Variants in TTYH3 observed in about 807,000 individuals in gnomAD.
The protein encoded by TTYH3 is tweety family member 3.
A neutral mutation model predicts 68.2 loss-of-function variants in TTYH3; 23 were observed. That is an observed-to-expected ratio of 0.34 (90% CI 0.24 to 0.48). The LOEUF (loss-of-function observed/expected upper bound fraction) is 0.48, where lower values mean the gene tolerates loss of function less well. Among genes scored for constraint, TTYH3 ranks in the 20% least tolerant of loss-of-function variants. The pLI, the probability that TTYH3 is intolerant of heterozygous loss-of-function variation, is 0.99. For missense variants in TTYH3, 768 were observed against 727.7 expected, an observed-to-expected ratio of 1.06 and a Z score of -0.64; for synonymous variants, 360 against 332.8, an observed-to-expected ratio of 1.08 and a Z score of -0.89.
intron 9 of TTYH3, 23 bp downstream of exon 9, chr7:2,653,033 C>A: frequency 1.9e-6 from 3 of 1,548,544 alleles, no homozygotes; most frequent in Non-Finnish European, 2.6e-6. Flanking sequence ...GGGGTAGGCA[C>A]TGGGGCAGGC....
Position 2,656,105 on chromosome 7 carries a change from G to A in TTYH3, c.1034G>A (p.Arg345His), listed in dbSNP as rs979433800. 1.9e-5 allele frequency: 30 copies of A among 1,554,522 alleles called. No individual in the cohort carries two copies. The highest frequency in any genetic ancestry group is 1.7e-4 in the Middle Eastern group (1 of 5,956). The change falls in exon 10 of 14, where the codon CGC becomes CAC. Residue 345 changes from arginine (R) to histidine (H), a missense_variant. Arg to His is a conservative substitution (Grantham distance 29, BLOSUM62 0). Coordinates refer to ENST00000258796, the MANE Select transcript of TTYH3 (RefSeq NM_025250.3). ...CGTGCCCCCCAGGACCCCCTCCTCC[G>A]CGTCCAGGAGGTGCTGAATGGCACG... is the stretch of plus-strand genomic sequence containing the variant. ...EQPATKDPLLRVQEVLNGTEV... is the reference protein window; with the variant it reads ...EQPATKDPLLHVQEVLNGTEV...
chr7:2,650,703 C>T (rs1395201579), intron 7 of TTYH3, among the ~76,000 whole-genome samples: 1 of 151,892 alleles, frequency 6.6e-6, no homozygotes, highest in Non-Finnish European at 1.5e-5. Context: ...GCAAGCTTCG[C>T]TTTATTCCAG....
chr7:2,656,474 T>C lies in TTYH3; in HGVS notation c.1190T>C (p.Val397Ala). 1 of 1,611,988 alleles carries C rather than the reference T, an allele frequency of 6.2e-7. No homozygotes were observed. Among genetic ancestry groups the C allele is most frequent in the Non-Finnish European group, 8.5e-7 (1 of 1,179,644 alleles). Residue 397 changes from valine to alanine, a missense_variant, in exon 11 of 14, where the codon GTC becomes GCC. Val to Ala is a moderately conservative substitution (Grantham distance 64). Coordinates refer to ENST00000258796, the MANE Select transcript of TTYH3 (RefSeq NM_025250.3). Reference protein sequence around the residue: ...GLIYLALFSFVTALMFSSIVC... With the variant: ...GLIYLALFSFATALMFSSIVC... ...ATCTACCTGGCCCTCTTCTCCTTCG[T>C]CACAGCCCTCATGTTCAGCTCCATC...
chr7:2,657,497 G>A (rs1786372225), intron 11 of TTYH3, among the ~76,000 whole-genome samples: 1 of 152,080 alleles, frequency 6.6e-6, no homozygotes, highest in South Asian at 2.1e-4. Flanking sequence ...GATGGTGGTG[G>A]TGATGGTGTC....
At position 2,632,179 on chromosome 7, in the gene TTYH3, G is replaced by C; in HGVS notation, c.24G>C (p.Ala8=). The C allele has an allele frequency of 2.0e-6, 3 of 1,508,364 alleles. No homozygotes were observed. Among genetic ancestry groups the C allele is most frequent in the Non-Finnish European group, 2.7e-6 (3 of 1,121,590 alleles). The allele number at this position is 1,508,364 out of a possible 1,614,324, so 93.4% of individuals were successfully genotyped here. MAGVSYA[A]PWWVSLLHRL... is the part of the protein sequence containing the mutation. ...CCATGGCCGGGGTCAGCTACGCGGC[G>C]CCCTGGTGGGTGAGCCTCCTGCACC... is the stretch of plus-strand genomic sequence containing the variant. The change falls in exon 1 of 14, where the codon GCG becomes GCC. Residue 8 remains alanine (A), a synonymous_variant. Coordinates refer to ENST00000258796, the MANE Select transcript of TTYH3 (RefSeq NM_025250.3).
rs186074697 is a variant in TTYH3 at position 2,647,977 on chromosome 7, C to T, written c.645C>T (p.Gly215=). ...CCTGCAGGTGGCTGGGCTACCTGGG[C>T]CTGCTGCTGCTGGACGTCATCATCT... ...YDWYRWLGYL[G]LLLLDVIICL... Residue 215 remains glycine (G), a synonymous_variant, in exon 5 of 14, where the codon GGC becomes GGT. Coordinates refer to ENST00000258796, the MANE Select transcript of TTYH3 (RefSeq NM_025250.3). 90 of 1,609,554 alleles carry T rather than the reference C, an allele frequency of 5.6e-5. No individual in the cohort carries two copies. In the East Asian group the frequency reaches 1.8e-3, roughly 32 times the overall value.
At chr7:2,644,683 G>T (rs1016029016) in intron 1 of TTYH3, among the ~76,000 whole-genome samples, 69 of 152,310 alleles carry the variant, frequency 4.5e-4, no homozygotes, top group African/African-American at 1.6e-3. Context: ...CTGATGCTCT[G>T]CAGTGCCCAG....
Position 2,663,703 on chromosome 7 carries a change from C to T in TTYH3, c.*1964C>T, listed in dbSNP as rs1191846817. On this transcript the variant is annotated 3_prime_UTR_variant, in exon 14 of 14. Coordinates refer to ENST00000258796, the MANE Select transcript of TTYH3 (RefSeq NM_025250.3). ...CAAACGCCCTGCGACCGCTCAGAAG[C>T]ACAAATGCTGTCCATGGCCGTGAGG... 1 of 152,708 alleles carries T rather than the reference C, an allele frequency of 6.5e-6. No homozygotes were observed. Among genetic ancestry groups the T allele is most frequent in the Non-Finnish European group, 1.5e-5 (1 of 68,060 alleles). The allele number at this position is 152,708 out of a possible 1,614,324, so 9.5% of individuals were successfully genotyped here.
rs2115004180 is a variant in TTYH3 at position 2,664,186 on chromosome 7, C to A, written c.*2447C>A. ...CAGCAGGCATCCACTACCCCAGGGC[C>A]CCCCACATGTCATGGCAAGGTTGGT... On this transcript the variant is annotated 3_prime_UTR_variant, in exon 14 of 14. Coordinates refer to ENST00000258796, the MANE Select transcript of TTYH3 (RefSeq NM_025250.3). 6.6e-6 allele frequency: 1 copy of A among 152,142 alleles called. No individual in the cohort carries two copies. Among genetic ancestry groups the A allele is most frequent in the African/African-American group, 2.4e-5 (1 of 41,014 alleles). The allele number at this position is 152,142 out of a possible 1,614,324, so 9.4% of individuals were successfully genotyped here. A position where few individuals can be genotyped will look rare whatever the true frequency, so the allele number is the denominator to read the frequency against.
chr7:2,651,976 G>T (rs13225657), intron 7 of TTYH3, among the ~76,000 whole-genome samples: 5 of 151,964 alleles, frequency 3.3e-5, no homozygotes, highest in African/African-American at 9.7e-5. Flanking sequence ...ACCGGCACAC[G>T]TGCACACGAA....
chr7:2,649,668 G>T, intron 6 of TTYH3, 29 bp downstream of exon 6: 1 of 1,583,006 alleles, frequency 6.3e-7, no homozygotes. Flanking sequence ...GAGGTCCCCG[G>T]CTGCTGGACC....
At position 2,661,956 on chromosome 7, in the gene TTYH3, CGCTGCTGCCAGCCGAT is replaced by C; in HGVS notation, c.*220_*235del. 1 of 610,684 alleles carries C rather than the reference CGCTGCTGCCAGCCGAT, an allele frequency of 1.6e-6. No individual in the cohort carries two copies. Among genetic ancestry groups the C allele is most frequent in the Non-Finnish European group, 2.9e-6 (1 of 344,530 alleles). 37.8% of individuals were successfully genotyped at this position (610,684 alleles called of 1,614,324 possible). ...ACCGCCAACTCGGGTCACACCTGAA[CGCTGCTGCCAGCCGAT>C]GCCCCAGCCCTGCACGCCACCCACT... On this transcript the variant is annotated 3_prime_UTR_variant, in exon 14 of 14. Transcript: ENST00000258796.
At chr7:2,658,873 C>T in intron 12 of TTYH3, 67 bp from the exon 13 acceptor site, 2 of 1,517,678 alleles carry the variant, frequency 1.3e-6, no homozygotes, top group Admixed American at 3.4e-5. Context: ...ACCCATGGGC[C>T]CCCCGACCTG....
At chr7:2,640,406 G>T (rs565630948) in intron 1 of TTYH3, among the ~76,000 whole-genome samples, 2 of 151,852 alleles carry the variant, frequency 1.3e-5, no homozygotes, top group Non-Finnish European at 2.9e-5. Flanking sequence ...GTGTGTGTGG[G>T]GGGGGACGTG....
Position 2,646,895 on chromosome 7 carries a change from C to G in TTYH3, c.166C>G (p.Leu56Val), listed in dbSNP as rs528374136. ...LGAAALACLALDLLFLLFYSF... is the reference protein window; with the variant it reads ...LGAAALACLAVDLLFLLFYSF... ...GGCCGCCGCCCTGGCCTGCCTCGCC[C>G]TGGACCTCCTCTTCCTGCTCTTCTA... The change falls in exon 2 of 14, where the codon CTG becomes GTG. Residue 56 changes from leucine (L) to valine (V), a missense_variant. Transcript: ENST00000258796. 4 of 1,598,682 alleles carry G rather than the reference C, an allele frequency of 2.5e-6. No homozygotes were observed. In the South Asian group the frequency reaches 4.4e-5, roughly 18 times the overall value.
In TTYH3 at chr7:2,656,381, T is replaced by C; in HGVS notation, c.1114-17T>C. On this transcript the variant is annotated splice_polypyrimidine_tract_variant and intron_variant, in intron 10 of 13. Coordinates refer to ENST00000258796, the MANE Select transcript of TTYH3 (RefSeq NM_025250.3). ...CTCCCTGTCTCTGGATCCTGCCATC[T>C]CATCCCACGGCCTCAGGACTACGTG... The C allele has an allele frequency of 6.2e-7, 1 of 1,601,822 alleles. No individual in the cohort carries two copies. Among genetic ancestry groups the C allele is most frequent in the Non-Finnish European group, 8.5e-7 (1 of 1,174,478 alleles).
In TTYH3 at chr7:2,640,253, C is replaced by A. The variant is rs574049830; in HGVS notation, c.124-6600C>A. 5.3e-5 allele frequency among the ~76,000 whole-genome samples: 8 copies of A among 152,354 alleles called. No homozygotes were observed. In the South Asian group the frequency reaches 1.7e-3, roughly 32 times the overall value. On this transcript the variant is annotated intron_variant, in intron 1 of 13. Coordinates refer to ENST00000258796, the MANE Select transcript of TTYH3 (RefSeq NM_025250.3). ...TCATCAGAGTCCCTGTGAGCACCCC[C>A]CAGTGGGCCAGGGCCTCCTCAGCCC...
intron 9 of TTYH3, among the ~76,000 whole-genome samples, chr7:2,653,353 G>A (rs929988757): frequency 2.4e-4 from 37 of 152,262 alleles, no homozygotes; most frequent in African/African-American, 7.9e-4. Context: ...CACACCCAAC[G>A]TTTAAAAAAT....
At chr7:2,654,896 T>C (rs1176318813) in intron 9 of TTYH3, among the ~76,000 whole-genome samples, 1 of 152,128 alleles carries the variant, frequency 6.6e-6, no homozygotes, top group Non-Finnish European at 1.5e-5. Context: ...GCGATTCTCC[T>C]GCTGAGTAGC....
Sources: gnomAD v4.1 joint callset for allele counts (sites outside exome capture counted in the v4.1 genomes callset) on GRCh38, gnomAD v4.1.1 for gene constraint, MANE v1.5 for transcripts, NCBI Gene and HGNC (gene_info 2026-07-23, HGNC 2026-07-21) for gene names.